The following TENM3 variants were observed in gnomAD, a reference collection of about 807,000 sequenced individuals.
TENM3 encodes the protein teneurin transmembrane protein 3.
Under a neutral mutation model 255.1 loss-of-function variants are expected in TENM3, and 63 were observed. The observed-to-expected ratio is 0.25, with a 90% CI of 0.20 to 0.30. The LOEUF (loss-of-function observed/expected upper bound fraction) is 0.30, where lower values mean the gene tolerates loss of function less well. Among genes scored for constraint, TENM3 ranks in the 10% least tolerant of loss-of-function variants. TENM3 has a pLI of 1.00. For missense variants in TENM3, 2,929 were observed against 3,461.1 expected (o/e 0.85, Z 3.86); for synonymous variants, 1,306 against 1,322.3 (o/e 0.99, Z 0.27).
At chr4:182,546,540 A>G (rs1008873908) in intron 3 of TENM3, among the ~76,000 whole-genome samples, 12 of 152,122 alleles carry the variant, frequency 7.9e-5, no homozygotes, top group African/African-American at 1.9e-4. Flanking sequence ...GGCTCGAGCA[A>G]TCCTTCTGCC....
chr4:181,858,978 G>T, the TENM3 span, among the ~76,000 whole-genome samples: 1 of 152,134 alleles, frequency 6.6e-6, no homozygotes, highest in East Asian at 1.9e-4. Context: ...CTGTGTGCCA[G>T]ACAGGCAGGA....
intron 22 of TENM3, among the ~76,000 whole-genome samples, chr4:182,772,195 C>T (rs1228373648): frequency 4.0e-5 from 6 of 151,000 alleles, no homozygotes; most frequent in Non-Finnish European, 5.9e-5. Context: ...TCACGAAAAA[C>T]CCCTATCATC....
At chr4:181,568,274 C>T in the TENM3 span, among the ~76,000 whole-genome samples, 2 of 151,748 alleles carry the variant, frequency 1.3e-5, no homozygotes, top group East Asian at 3.9e-4. Context: ...AGTGATTCTC[C>T]TGCCTCAGCC....
At position 182,294,309 on chromosome 4, in the gene TENM3, G is replaced by A. The variant is rs147180182; in HGVS notation, c.-75-29637G>A. Among the ~76,000 whole-genome samples the A allele has an allele frequency of 1.8e-3, 273 of 152,188 alleles. 1 individual carries two copies. Among genetic ancestry groups the A allele is most frequent in the African/African-American group, 6.2e-3 (257 of 41,530 alleles). On this transcript the variant is annotated intron_variant, in intron 1 of 27. Transcript: ENST00000511685. ...TTTCTAGATTGAAGATCTCCAGACT[G>A]AAGATCTAGATCCCAGGTGGAAGAT...
the TENM3 span, among the ~76,000 whole-genome samples, chr4:181,761,001 C>CACAT: frequency 9.7e-4 from 146 of 150,276 alleles, no homozygotes; most frequent in African/African-American, 3.2e-3. Flanking sequence ...CACACACACA[C>CACAT]ACACACACAC....
the TENM3 span, among the ~76,000 whole-genome samples, chr4:181,795,174 G>T: frequency 2.0e-5 from 3 of 152,108 alleles, no homozygotes; most frequent in South Asian, 6.2e-4. Flanking sequence ...GTCAGTTCAG[G>T]CTGCTATCAC....
At chr4:181,744,440 C>T in the TENM3 span, among the ~76,000 whole-genome samples, 3 of 152,168 alleles carry the variant, frequency 2.0e-5, no homozygotes, top group Non-Finnish European at 4.4e-5. Context: ...TTTACACTCC[C>T]ACCAACAGTG....
intron 25 of TENM3, among the ~76,000 whole-genome samples, chr4:182,791,130 A>G (rs536244349): frequency 2.0e-5 from 3 of 152,388 alleles, no homozygotes; most frequent in South Asian, 4.1e-4. Context: ...TGAATTCGGC[A>G]AAGTCCAAGC....
intron 3 of TENM3, among the ~76,000 whole-genome samples, chr4:182,526,918 GTC>G (rs1306938667): frequency 6.6e-6 from 1 of 151,910 alleles, no homozygotes; most frequent in African/African-American, 2.4e-5. Context: ...TTGGTTACTT[GTC>G]TCTCTTTTAC....
intron 4 of TENM3, among the ~76,000 whole-genome samples, chr4:182,621,009 G>T (rs1036418929): frequency 6.6e-6 from 1 of 152,000 alleles, no homozygotes; most frequent in Non-Finnish European, 1.5e-5. Flanking sequence ...GTGAAACCTC[G>T]TCTCTACTGA....
intron 16 of TENM3, among the ~76,000 whole-genome samples, chr4:182,735,315 A>T (rs534752385): frequency 1.3e-5 from 2 of 152,170 alleles, no homozygotes; most frequent in Non-Finnish European, 2.9e-5. Context: ...GTCCCTCTTC[A>T]TGCCAACACT....
the TENM3 span, among the ~76,000 whole-genome samples, chr4:181,697,085 A>G: frequency 6.6e-6 from 1 of 152,238 alleles, no homozygotes; most frequent in East Asian, 1.9e-4. Flanking sequence ...TTGATGACCA[A>G]CAATTATCTG....
rs1343737568 is a variant in TENM3 at position 182,730,797 on chromosome 4, A to C, written c.2706-81A>C. The C allele has an allele frequency of 2.8e-6, 4 of 1,440,212 alleles. No individual in the cohort carries two copies. The Admixed American group carries it at 9.1e-5, about 33-fold the overall frequency. 89.2% of individuals were successfully genotyped at this position (1,440,212 alleles called of 1,614,324 possible). A position where few individuals can be genotyped will look rare whatever the true frequency, so the allele number is the denominator to read the frequency against. ...GAGAAAAAGTTGATTTTCTTTATAAAGCATATTAACTTAAGGAGGTGTGTA... is the reference window on the plus strand; with the variant it reads ...GAGAAAAAGTTGATTTTCTTTATAACGCATATTAACTTAAGGAGGTGTGTA... On this transcript the variant is annotated intron_variant, in intron 15 of 27. Transcript: ENST00000511685.
At chr4:181,566,057 A>G in the TENM3 span, among the ~76,000 whole-genome samples, 39 of 152,202 alleles carry the variant, frequency 2.6e-4, no homozygotes, top group Admixed American at 1.4e-3. Flanking sequence ...TATTTCCACA[A>G]AAACCTAGTT....
intron 2 of TENM3, among the ~76,000 whole-genome samples, chr4:182,344,549 G>T (rs1404650211): frequency 6.6e-6 from 1 of 151,938 alleles, no homozygotes; most frequent in Admixed American, 6.6e-5. Context: ...TAGATTTTTT[G>T]CATCAAGATG....
At chr4:182,035,498 A>T in the TENM3 span, among the ~76,000 whole-genome samples, 1 of 152,194 alleles carries the variant, frequency 6.6e-6, no homozygotes, top group African/African-American at 2.4e-5. Context: ...TGAAAACAGG[A>T]ATTCTGGAAC....
chr4:182,387,713 G>A (rs1005021553), intron 3 of TENM3, among the ~76,000 whole-genome samples: 6 of 151,904 alleles, frequency 3.9e-5, no homozygotes, highest in Non-Finnish European at 5.9e-5. Context: ...CACTCACCGC[G>A]AAGGTCTGCA....
the TENM3 span, among the ~76,000 whole-genome samples, chr4:181,594,442 C>T: frequency 6.6e-6 from 1 of 152,170 alleles, no homozygotes; most frequent in East Asian, 1.9e-4. Context: ...CATTGGTCCA[C>T]CCCTTTCTTC....
the TENM3 span, among the ~76,000 whole-genome samples, chr4:182,101,624 G>A: frequency 6.6e-6 from 1 of 152,126 alleles, no homozygotes; most frequent in African/African-American, 2.4e-5. Context: ...GGGATGATGG[G>A]CAGGGCGGTT....
Sources: gnomAD v4.1 joint callset for allele counts (sites outside exome capture counted in the v4.1 genomes callset) on GRCh38, gnomAD v4.1.1 for gene constraint, MANE v1.5 for transcripts, NCBI Gene and HGNC (gene_info 2026-07-23, HGNC 2026-07-21) for gene names.